The following PDGFRB variants were observed in gnomAD, a reference collection of about 807,000 sequenced individuals.
The protein encoded by PDGFRB is platelet-derived growth factor receptor beta.
A neutral mutation model predicts 120.2 loss-of-function variants in PDGFRB; 42 were observed. The ratio of observed to expected loss-of-function variants is 0.35; its 90% CI spans 0.27 to 0.45. The LOEUF (loss-of-function observed/expected upper bound fraction) is 0.45. PDGFRB is among the 20% of genes least tolerant of loss of function. The pLI, the probability that PDGFRB is intolerant of heterozygous loss-of-function variation, is 1.00. For synonymous variants in PDGFRB, 586 were observed against 606.8 expected (o/e 0.97, Z 0.50); for missense variants, 1,149 against 1,476.3 (o/e 0.78, Z 3.63).
chr5:150,141,422 T>C lies in PDGFRB; in HGVS notation c.-6-4369A>G, dbSNP rs899696636. Among the ~76,000 whole-genome samples the C allele has an allele frequency of 2.6e-5, 4 of 152,278 alleles. No homozygotes were observed. In the South Asian group the frequency reaches 6.2e-4, roughly 24 times the overall value. On this transcript the variant is annotated intron_variant, in intron 1 of 22. Transcript: ENST00000261799. ...TTGATTCTCCATCAACTCTATGAGG[T>C]AGATACAGTGATCATTTCCATTTTA...
intron 1 of PDGFRB, among the ~76,000 whole-genome samples, chr5:150,148,730 C>T (rs1267200911): frequency 6.6e-6 from 1 of 152,270 alleles, no homozygotes; most frequent in Non-Finnish European, 1.5e-5. Context: ...CAGCACTTGG[C>T]ACATCATAGG....
chr5:150,118,697 C>T (rs376302820), intron 21 of PDGFRB, 50 bp downstream of exon 21: 11 of 1,141,238 alleles, frequency 9.6e-6, no homozygotes, highest in Non-Finnish European at 1.5e-5. Context: ...CGGTGTCTGA[C>T]TTCTGCACCA....
chr5:150,149,684 A>G (rs1356816978), intron 1 of PDGFRB, among the ~76,000 whole-genome samples: 1 of 152,192 alleles, frequency 6.6e-6, no homozygotes, highest in Non-Finnish European at 1.5e-5. Context: ...TCAAACCTGC[A>G]CCTTTACCTT....
chr5:150,125,450 A>G lies in PDGFRB; in HGVS notation c.1802T>C (p.Val601Ala). ...TGAGGCCTCTCAGGACTGACCCAGC[A>G]CAAGCTGGTCCCGCGGCAGCTCCCA... ...STWELPRDQL[V>A]LGRTLGSGAF... Residue 601 changes from valine to alanine, a missense_variant, in exon 12 of 23, where the codon GTG becomes GCG. Physicochemically the swap from Val to Ala is moderately conservative, Grantham distance 64 (BLOSUM62 0). Transcript: ENST00000261799. 5.0e-6 allele frequency: 8 copies of G among 1,611,942 alleles called. No individual in the cohort carries two copies. Among genetic ancestry groups the G allele is most frequent in the Non-Finnish European group, 6.8e-6 (8 of 1,178,476 alleles).
intron 1 of PDGFRB, among the ~76,000 whole-genome samples, chr5:150,140,558 G>A (rs534668692): frequency 2.0e-5 from 3 of 152,286 alleles, no homozygotes; most frequent in African/African-American, 4.8e-5. Context: ...AGCTCCTCAC[G>A]TGACTCAGAG....
intron 1 of PDGFRB, among the ~76,000 whole-genome samples, chr5:150,152,716 G>T (rs1212830223): frequency 6.6e-6 from 1 of 152,338 alleles, no homozygotes; most frequent in East Asian, 1.9e-4. Context: ...AACATACATG[G>T]TGTCCAGGTC....
At chr5:150,126,728 C>A in intron 10 of PDGFRB, 114 bp from the exon 11 acceptor site, 1 of 697,746 alleles carries the variant, frequency 1.4e-6, no homozygotes, top group Non-Finnish European at 2.6e-6. Flanking sequence ...TAGAAGCGCC[C>A]ACCTCCCCAT....
chr5:150,121,772 T>A lies in PDGFRB; in HGVS notation c.2344+108A>T. 1 of 865,192 alleles carries A rather than the reference T, an allele frequency of 1.2e-6. No homozygotes were observed. The highest frequency in any genetic ancestry group is 1.9e-6 in the Non-Finnish European group (1 of 535,450). The allele number at this position is 865,192 out of a possible 1,614,324, so 53.6% of individuals were successfully genotyped here. On this transcript the variant is annotated intron_variant, in intron 16 of 22. Coordinates refer to ENST00000261799, the MANE Select transcript of PDGFRB (RefSeq NM_002609.4). The surrounding 1 kb of genome is among the most constrained non-coding windows in gnomAD (Gnocchi z 4.1). The stretch of plus-strand genomic sequence containing the variant: ...TGGCTAGCCTCAATTTCTACATCTA[T>A]GAAATGGGCACGAGGCTCCCTTCTT...
chr5:150,130,727 A>C (rs113779369), intron 8 of PDGFRB, 65 bp from the exon 9 acceptor site: 43,671 of 1,439,676 alleles, frequency 0.03, 705 homozygotes, highest in Non-Finnish European at 0.035. Flanking sequence ...ACAGGTCCTC[A>C]GGGGAGGACC....
At chr5:150,137,718 C>T (rs1437035561) in intron 1 of PDGFRB, among the ~76,000 whole-genome samples, 1 of 152,208 alleles carries the variant, frequency 6.6e-6, no homozygotes, top group African/African-American at 2.4e-5. Flanking sequence ...AGCCAGGCCT[C>T]ACAGGTCCTT....
intron 14 of PDGFRB, 66 bp downstream of exon 14, chr5:150,124,184 G>GT: frequency 1.3e-5 from 14 of 1,068,618 alleles, no homozygotes; most frequent in Non-Finnish European, 2.0e-5. Flanking sequence ...TGAGGGGGGG[G>GT]TAGGCGGGGC....
chr5:150,146,404 G>T (rs1289750153), intron 1 of PDGFRB, among the ~76,000 whole-genome samples: 2 of 152,110 alleles, frequency 1.3e-5, no homozygotes, highest in Admixed American at 6.5e-5. Flanking sequence ...ACCCTGTGAG[G>T]GGGGTACACT....
intron 1 of PDGFRB, among the ~76,000 whole-genome samples, chr5:150,144,051 G>A (rs796515277): frequency 3.9e-5 from 6 of 152,148 alleles, no homozygotes; most frequent in South Asian, 2.1e-4. Context: ...GGGGCCTGGC[G>A]TGTGCTCCCG....
intron 10 of PDGFRB, among the ~76,000 whole-genome samples, chr5:150,127,189 T>C (rs574716016): frequency 1.7e-4 from 26 of 151,948 alleles, no homozygotes; most frequent in Non-Finnish European, 3.2e-4. Context: ...GGGGTTGGAG[T>C]GGTGACGGTA....
chr5:150,133,296 T>C (rs1333468653), intron 6 of PDGFRB, among the ~76,000 whole-genome samples: 1 of 152,050 alleles, frequency 6.6e-6, no homozygotes, highest in Non-Finnish European at 1.5e-5. Flanking sequence ...GGGCTGGGGC[T>C]CTGGCTAGTC....
chr5:150,132,193 G>T lies in PDGFRB; in HGVS notation c.1128-99C>A. 1 of 666,452 alleles carries T rather than the reference G, an allele frequency of 1.5e-6. No individual in the cohort carries two copies. Among genetic ancestry groups the T allele is most frequent in the Non-Finnish European group, 2.7e-6 (1 of 370,830 alleles). The allele number at this position is 666,452 out of a possible 1,614,324, so 41.3% of individuals were successfully genotyped here. A position where few individuals can be genotyped will look rare whatever the true frequency, so the allele number is the denominator to read the frequency against. ...GGAACAAGGCCCAGGGAGGGGAAGG[G>T]CTTGCCAAGGTCATCTCGGCATTGG... On this transcript the variant is annotated intron_variant, in intron 7 of 22. Coordinates refer to ENST00000261799, the MANE Select transcript of PDGFRB (RefSeq NM_002609.4). This position sits in a 1 kb window ranked among gnomAD's most constrained non-coding sequence, Gnocchi z 5.0.
chr5:150,140,643 GT>G, intron 1 of PDGFRB, among the ~76,000 whole-genome samples: 1 of 151,978 alleles, frequency 6.6e-6, no homozygotes, highest in African/African-American at 2.4e-5. Context: ...GGGGAGAGGA[GT>G]GGGGGGCCCC....
intron 6 of PDGFRB, 75 bp from the exon 7 acceptor site, chr5:150,133,017 G>T (rs1760515832): frequency 9.4e-7 from 1 of 1,062,870 alleles, no homozygotes; most frequent in African/African-American, 1.6e-5. Context: ...GCCAGCCTGT[G>T]GGGTGGGGCT....
Position 150,124,764 on chromosome 5 carries a change from A to G in PDGFRB, c.1875T>C (p.Ser625=). The G allele has an allele frequency of 6.2e-7, 1 of 1,606,034 alleles. No homozygotes were observed. The highest frequency in any genetic ancestry group is 1.7e-5 in the Admixed American group (1 of 59,766). The change falls in exon 13 of 23, where the codon TCT becomes TCC. Residue 625 remains serine, a synonymous_variant. Coordinates refer to ENST00000261799, the MANE Select transcript of PDGFRB (RefSeq NM_002609.4). The part of the protein sequence containing the change: ...VEATAHGLSH[S]QATMKVAVKM... Reference sequence around the variant, plus strand: ...TGACGGCCACTTTCATCGTGGCCTGAGAATGGCTCAGGCCATGAGCCGTGG... The same window carrying G: ...TGACGGCCACTTTCATCGTGGCCTGGGAATGGCTCAGGCCATGAGCCGTGG...
Sources: gnomAD v4.1 joint callset for allele counts (sites outside exome capture counted in the v4.1 genomes callset) on GRCh38, gnomAD v4.1.1 for gene constraint, Gnocchi (gnomAD v3.1) non-coding constraint, MANE v1.5 for transcripts, NCBI Gene and HGNC (gene_info 2026-07-23, HGNC 2026-07-21) for gene names.